Variants in VPS41 observed in about 807,000 individuals in gnomAD.
VPS41 encodes VPS41 subunit of HOPS complex.
Under a neutral mutation model 130.9 loss-of-function variants are expected in VPS41, and 85 were observed. The observed-to-expected ratio is 0.65, with a 90% CI of 0.55 to 0.78. VPS41 has a LOEUF of 0.78. Ranked by LOEUF, VPS41 falls within the 30% of genes least tolerant of loss-of-function variation. The pLI, the probability that VPS41 is intolerant of heterozygous loss-of-function variation, is 0.00. For missense variants in VPS41, 874 were observed against 1,018.7 expected, an observed-to-expected ratio of 0.86 and a Z score of 1.93; for synonymous variants, 335 against 332.9, an observed-to-expected ratio of 1.01 and a Z score of -0.07.
chr7:38,845,433 C>T (rs1193564307), intron 4 of VPS41, among the ~76,000 whole-genome samples: 3 of 152,176 alleles, frequency 2.0e-5, no homozygotes, highest in Non-Finnish European at 4.4e-5. Context: ...CGGGATGCTA[C>T]AAATCCTGCA....
At chr7:38,836,382 TC>T (rs1584419945) in intron 4 of VPS41, among the ~76,000 whole-genome samples, 1 of 152,094 alleles carries the variant, frequency 6.6e-6, no homozygotes, top group Non-Finnish European at 1.5e-5. Context: ...TATAAATATT[TC>T]CCATTTCTTG....
chr7:38,774,977 G>A (rs1206826673), intron 11 of VPS41, among the ~76,000 whole-genome samples: 1 of 152,152 alleles, frequency 6.6e-6, no homozygotes, highest in Admixed American at 6.5e-5. Flanking sequence ...CATACGCAGG[G>A]AAAATGGAAT....
At chr7:38,798,499 G>A (rs752794505) in intron 7 of VPS41, among the ~76,000 whole-genome samples, 21 of 152,076 alleles carry the variant, frequency 1.4e-4, no homozygotes, top group Non-Finnish European at 3.1e-4. Context: ...CACCATGTTG[G>A]CCAGACTGGT....
At chr7:38,805,876 G>A (rs1784830901) in intron 7 of VPS41, among the ~76,000 whole-genome samples, 1 of 152,172 alleles carries the variant, frequency 6.6e-6, no homozygotes, top group Admixed American at 6.5e-5. Flanking sequence ...GCCAAAATTG[G>A]AGAAAAGGCT....
At chr7:38,886,392 C>G in intron 2 of VPS41, among the ~76,000 whole-genome samples, 1 of 152,356 alleles carries the variant, frequency 6.6e-6, no homozygotes, top group South Asian at 2.1e-4. Flanking sequence ...GAGCCTTACT[C>G]GCTGCTAACG....
chr7:38,786,566 T>C (rs149601082), intron 10 of VPS41, among the ~76,000 whole-genome samples: 1 of 152,296 alleles, frequency 6.6e-6, no homozygotes, highest in East Asian at 1.9e-4. Context: ...AAAGCAAATA[T>C]AGTAAAATCT....
chr7:38,780,720 G>C (rs980674870), intron 10 of VPS41, among the ~76,000 whole-genome samples: 1 of 152,162 alleles, frequency 6.6e-6, no homozygotes, highest in Non-Finnish European at 1.5e-5. Flanking sequence ...GCTATAGCTT[G>C]GATGTGTGGC....
At chr7:38,829,347 T>C (rs1379643541) in intron 5 of VPS41, among the ~76,000 whole-genome samples, 1 of 152,220 alleles carries the variant, frequency 6.6e-6, no homozygotes, top group African/African-American at 2.4e-5. Flanking sequence ...ACACCGGGTA[T>C]ACTGTTTTTA....
At chr7:38,744,532 GT>G (rs989502608) in intron 23 of VPS41, among the ~76,000 whole-genome samples, 7 of 152,274 alleles carry the variant, frequency 4.6e-5, no homozygotes, top group African/African-American at 1.7e-4. Context: ...GGATTATCAA[GT>G]TTTTATAAAA....
At chr7:38,843,461 T>A (rs1367630104) in intron 4 of VPS41, among the ~76,000 whole-genome samples, 1 of 152,108 alleles carries the variant, frequency 6.6e-6, no homozygotes, top group Non-Finnish European at 1.5e-5. Context: ...GGCAGGTGGA[T>A]AACGAGGTCA....
chr7:38,829,197 T>C (rs974781598), intron 5 of VPS41, among the ~76,000 whole-genome samples: 8 of 152,210 alleles, frequency 5.3e-5, no homozygotes, highest in Admixed American at 3.9e-4. Context: ...ACAGTGCTTT[T>C]TGAAAAGCAC....
At chr7:38,825,704 A>G (rs1352481743) in intron 5 of VPS41, among the ~76,000 whole-genome samples, 1 of 152,236 alleles carries the variant, frequency 6.6e-6, no homozygotes, top group African/African-American at 2.4e-5. Flanking sequence ...AAGCTCCTGC[A>G]AAGTCCTGGG....
intron 7 of VPS41, among the ~76,000 whole-genome samples, chr7:38,810,634 G>T (rs1462253852): frequency 6.6e-6 from 1 of 152,114 alleles, no homozygotes; most frequent in African/African-American, 2.4e-5. Flanking sequence ...TTGGCTGTCA[G>T]TCTAGAGATC....
chr7:38,761,486 T>A (rs750043865), intron 17 of VPS41, among the ~76,000 whole-genome samples: 13 of 151,280 alleles, frequency 8.6e-5, no homozygotes, highest in Non-Finnish European at 1.9e-4. Context: ...GGTTTAACCA[T>A]GTTGGCCAGG....
At chr7:38,876,772 C>T (rs2116365015) in intron 2 of VPS41, among the ~76,000 whole-genome samples, 1 of 152,206 alleles carries the variant, frequency 6.6e-6, no homozygotes, top group East Asian at 1.9e-4. Context: ...TTCATAAACC[C>T]TGGTCTCTCC....
chr7:38,731,465 G>A (rs1312592323), intron 25 of VPS41, among the ~76,000 whole-genome samples: 1 of 152,006 alleles, frequency 6.6e-6, no homozygotes, highest in African/African-American at 2.4e-5. Context: ...AGACACTGAT[G>A]GCCAAAAGTC....
intron 21 of VPS41, among the ~76,000 whole-genome samples, chr7:38,752,639 G>A (rs529023006): frequency 6.6e-6 from 1 of 152,114 alleles, no homozygotes; most frequent in African/African-American, 2.4e-5. Context: ...TTGCCATTAC[G>A]AAATCACTCA....
chr7:38,844,234 C>G (rs1231705326), intron 4 of VPS41, among the ~76,000 whole-genome samples: 2 of 152,230 alleles, frequency 1.3e-5, no homozygotes, highest in African/African-American at 4.8e-5. Context: ...TTCAAACTAG[C>G]TGCAGTGCTT....
chr7:38,845,508 T>C (rs569730388), intron 4 of VPS41, among the ~76,000 whole-genome samples: 1 of 152,314 alleles, frequency 6.6e-6, no homozygotes, highest in East Asian at 1.9e-4. Context: ...TCCCCAGAGC[T>C]TGCAATGCCC....
Sources: allele counts gnomAD v4.1 joint callset (sites outside exome capture counted in the v4.1 genomes callset), GRCh38; gene constraint gnomAD v4.1.1; transcripts MANE v1.5; gene names NCBI Gene and HGNC (gene_info 2026-07-23, HGNC 2026-07-21).